IFFO2: variants seen among roughly 807,000 people sequenced by gnomAD.
IFFO2 encodes intermediate filament family orphan 2.
A neutral mutation model predicts 53.5 loss-of-function variants in IFFO2; 19 were observed. The ratio of observed to expected loss-of-function variants is 0.36; its 90% CI spans 0.25 to 0.52. IFFO2 has a LOEUF of 0.52. IFFO2 is among the 20% of genes least tolerant of loss of function. IFFO2 has a pLI of 0.94. For missense variants in IFFO2, 570 were observed against 727.4 expected, an observed-to-expected ratio of 0.78 and a Z score of 2.49; for synonymous variants, 303 against 313.6, an observed-to-expected ratio of 0.97 and a Z score of 0.36.
chr1:18,935,793 G>T (rs1240957520), intron 1 of IFFO2, among the ~76,000 whole-genome samples: 4 of 151,288 alleles, frequency 2.6e-5, no homozygotes, highest in African/African-American at 9.7e-5. Context: ...AGGCTCAAGG[G>T]ATCCTCCTGC....
chr1:18,944,954 G>A (rs928326119), intron 1 of IFFO2, among the ~76,000 whole-genome samples: 15 of 152,198 alleles, frequency 9.9e-5, no homozygotes, highest in African/African-American at 3.1e-4. Flanking sequence ...GACAAGACAG[G>A]GCAGAAGCAA....
intron 1 of IFFO2, among the ~76,000 whole-genome samples, chr1:18,941,775 C>T (rs1936525205): frequency 6.6e-6 from 1 of 152,156 alleles, no homozygotes; most frequent in African/African-American, 2.4e-5. Context: ...GCAATGTGAC[C>T]CCCTGAGGCT....
rs1413204114 is a variant in IFFO2 at position 18,936,351 on chromosome 1, G to A, written c.666-15230C>T. The stretch of plus-strand genomic sequence containing the variant: ...TGGTGTCCACGGCTCTCCATCCCTG[G>A]GACATTGTCTTTCTGCCTAGGCCTG... On this transcript the variant is annotated intron_variant, in intron 1 of 8. Transcript: ENST00000455833. The surrounding 1 kb of genome is among the most constrained non-coding windows in gnomAD (Gnocchi z 4.5). Among the ~76,000 whole-genome samples the A allele has an allele frequency of 6.6e-6, 1 of 152,166 alleles. No homozygotes were observed. The highest frequency in any genetic ancestry group is 1.9e-4 in the East Asian group (1 of 5,192).
At position 18,911,955 on chromosome 1, in the gene IFFO2, G is replaced by A; in HGVS notation, c.1224+8C>T. The stretch of plus-strand genomic sequence containing the variant: ...CCTGGCCTTTGGGAAGCCAGGCGCT[G>A]GGCTTACCTCGCCCTGCAGGTCGAT... On this transcript the variant is annotated splice_region_variant and intron_variant, in intron 6 of 8. Coordinates refer to ENST00000455833, the MANE Select transcript of IFFO2 (RefSeq NM_001136265.2). The A allele has an allele frequency of 1.3e-6, 2 of 1,551,588 alleles. No homozygotes were observed. Among genetic ancestry groups the A allele is most frequent in the Admixed American group, 2.0e-5 (1 of 51,010 alleles).
chr1:18,923,931 A>G (rs959791361), intron 1 of IFFO2, among the ~76,000 whole-genome samples: 4 of 151,856 alleles, frequency 2.6e-5, no homozygotes, highest in African/African-American at 7.3e-5. Context: ...CCACATCTCA[A>G]TCGTGTTTCC....
At position 18,936,395 on chromosome 1, in the gene IFFO2, C is replaced by T. The variant is rs1936447519; in HGVS notation, c.666-15274G>A. On this transcript the variant is annotated intron_variant, in intron 1 of 8. Transcript: ENST00000455833. This position sits in a 1 kb window ranked among gnomAD's most constrained non-coding sequence, Gnocchi z 4.5. The stretch of plus-strand genomic sequence containing the variant: ...AGGCCTGGCCAAGCCCCCATGGACC[C>T]TCCACCCCATCCCCATCCCGTGTCT... Among the ~76,000 whole-genome samples, 1 of 152,212 alleles carries T rather than the reference C, an allele frequency of 6.6e-6. No individual in the cohort carries two copies. The highest frequency in any genetic ancestry group is 1.5e-5 in the Non-Finnish European group (1 of 68,030).
At chr1:18,924,512 A>G (rs1483396465) in intron 1 of IFFO2, among the ~76,000 whole-genome samples, 1 of 151,970 alleles carries the variant, frequency 6.6e-6, no homozygotes, top group Non-Finnish European at 1.5e-5. Context: ...CCTACTTTGG[A>G]TCAGCGGTTT....
intron 5 of IFFO2, among the ~76,000 whole-genome samples, chr1:18,914,201 T>C (rs1405534974): frequency 6.6e-6 from 1 of 152,192 alleles, no homozygotes; most frequent in Non-Finnish European, 1.5e-5. Flanking sequence ...TTTAGCTCTA[T>C]CAACACAGAG....
At chr1:18,911,319 C>A (rs1252779275) in intron 7 of IFFO2, 65 bp downstream of exon 7, 2 of 825,520 alleles carry the variant, frequency 2.4e-6, no homozygotes, top group African/African-American at 1.8e-5. Flanking sequence ...GTTTGATCGC[C>A]AGGATCTCAA....
At position 18,955,810 on chromosome 1, in the gene IFFO2, C is replaced by A. The variant is rs1351734955; in HGVS notation, c.523G>T (p.Val175Leu). 5 of 1,522,702 alleles carry A rather than the reference C, an allele frequency of 3.3e-6. No individual in the cohort carries two copies. Among genetic ancestry groups the A allele is most frequent in the Non-Finnish European group, 3.5e-6 (4 of 1,141,958 alleles). The allele number at this position is 1,522,702 out of a possible 1,614,324, so 94.3% of individuals were successfully genotyped here. The change falls in exon 1 of 9, where the codon GTG (valine) becomes TTG (leucine). Residue 175 changes from valine (V) to leucine (L), a missense_variant. Transcript: ENST00000455833. ...TQVRRTGGGG[V>L]ETVQGPGVSW... ...ACGCCGGGGCCCTGCACGGTCTCCA[C>A]GCCGCCGCCGCCCGTGCGCCGCACC... is the stretch of plus-strand genomic sequence containing the variant.
intron 1 of IFFO2, among the ~76,000 whole-genome samples, chr1:18,953,826 T>C (rs1298456016): frequency 5.3e-5 from 8 of 152,196 alleles, no homozygotes; most frequent in African/African-American, 1.7e-4. Context: ...CGTTGCTCAA[T>C]GCCAACCCAT....
intron 7 of IFFO2, 87 bp from the exon 8 acceptor site, chr1:18,910,559 G>A (rs184616769): frequency 3.4e-6 from 5 of 1,489,062 alleles, no homozygotes; most frequent in Non-Finnish European, 4.5e-6. Flanking sequence ...GATTCCTCAG[G>A]GATGGTGCCA....
At chr1:18,946,409 C>CTTTTTTTTT (rs71577809) in intron 1 of IFFO2, among the ~76,000 whole-genome samples, 4 of 96,512 alleles carry the variant, frequency 4.1e-5, no homozygotes, top group Non-Finnish European at 4.1e-5. Context: ...TTGCCACTTT[C>CTTTTTTTTT]TTTTTTTTTT....
chr1:18,921,442 C>T (rs1936214906), intron 1 of IFFO2, among the ~76,000 whole-genome samples: 1 of 152,250 alleles, frequency 6.6e-6, no homozygotes, highest in Admixed American at 6.5e-5. Context: ...GCTGTGCAAG[C>T]ACTGCTGCTC....
chr1:18,906,541 G>A lies in IFFO2; in HGVS notation c.*2020C>T, dbSNP rs751726185. 7.2e-5 allele frequency: 11 copies of A among 152,196 alleles called. No homozygotes were observed. Among genetic ancestry groups the A allele is most frequent in the East Asian group, 5.8e-4 (3 of 5,204 alleles). The allele number at this position is 152,196 out of a possible 1,614,324, so 9.4% of individuals were successfully genotyped here. ...GATGTTTTCCTGCCCTCGAGGAAAC[G>A]GAAAATCTTTTTAGCAGCTGAGGTC... is the stretch of plus-strand genomic sequence containing the variant. On this transcript the variant is annotated 3_prime_UTR_variant, in exon 9 of 9. Coordinates refer to ENST00000455833, the MANE Select transcript of IFFO2 (RefSeq NM_001136265.2).
chr1:18,920,411 C>T (rs28593095), intron 2 of IFFO2, among the ~76,000 whole-genome samples: 2 of 152,230 alleles, frequency 1.3e-5, no homozygotes, highest in Non-Finnish European at 2.9e-5. Context: ...AGTATCAGAA[C>T]GCAATTTCTA....
In IFFO2 at chr1:18,904,795, AC is replaced by A. The variant is rs1569820444; in HGVS notation, c.*3765del. 1.3e-5 allele frequency: 2 copies of A among 151,894 alleles called. No homozygotes were observed. Among genetic ancestry groups the A allele is most frequent in the African/African-American group, 4.8e-5 (2 of 41,288 alleles). 9.4% of individuals were successfully genotyped at this position (151,894 alleles called of 1,614,324 possible). On this transcript the variant is annotated 3_prime_UTR_variant, in exon 9 of 9. Transcript: ENST00000455833. ...ACCCCTGTCCTAGGAAACCCCCAGC[AC>A]CCTGATCCCTCCCCCCAGGGCCCTG...
chr1:18,922,397 G>A (rs1294217118), intron 1 of IFFO2, among the ~76,000 whole-genome samples: 1 of 152,164 alleles, frequency 6.6e-6, no homozygotes, highest in Non-Finnish European at 1.5e-5. Context: ...AACCCTTTTA[G>A]GATGCTGTCA....
chr1:18,942,207 G>A (rs527981423), intron 1 of IFFO2, among the ~76,000 whole-genome samples: 182 of 152,344 alleles, frequency 1.2e-3, no homozygotes, highest in Non-Finnish European at 1.9e-3. Flanking sequence ...CCTTATCTCC[G>A]GGGTAAGCCC....
Sources: allele counts gnomAD v4.1 joint callset (sites outside exome capture counted in the v4.1 genomes callset), GRCh38; gene constraint gnomAD v4.1.1; non-coding constraint Gnocchi (gnomAD v3.1); transcripts MANE v1.5; gene names NCBI Gene and HGNC (gene_info 2026-07-23, HGNC 2026-07-21).